TBL1X: variants seen among roughly 807,000 people sequenced by gnomAD.
TBL1X encodes the protein transducin beta like 1 X-linked, also known as F-box-like/WD repeat-containing protein TBL1X.
In TBL1X, 10 loss-of-function variants were observed where a neutral mutation model predicts 50.7. That is an observed-to-expected ratio of 0.20 (90% confidence interval 0.12 to 0.33). TBL1X has a LOEUF of 0.33. Among genes scored for constraint, TBL1X ranks in the 10% least tolerant of loss-of-function variants. The pLI is 1.00. For synonymous variants in TBL1X, 190 were observed against 214.7 expected (o/e 0.88, Z 1.01); for missense variants, 340 against 504.4 (o/e 0.67, Z 3.12).
At chrX:9,651,204 T>G (rs2082833444) in intron 3 of TBL1X, among the ~76,000 whole-genome samples, 1 of 109,622 alleles carries the variant, frequency 9.1e-6, no homozygotes, top group Admixed American at 9.7e-5. Flanking sequence ...GTTTTTTCGT[T>G]TGTTTGTTTT....
chrX:9,716,330 T>A lies in TBL1X; in HGVS notation c.*84T>A. ...GTTGCAGCTCTATTCTCCAAAACTG[T>A]AGGAACTTGACTTGCGTTAGAGTGT... On this transcript the variant is annotated 3_prime_UTR_variant, in exon 18 of 18. Transcript: ENST00000645353. 9.6e-7 allele frequency: 1 copy of A among 1,038,224 alleles called. No individual in the cohort carries two copies. Among genetic ancestry groups the A allele is most frequent in the Non-Finnish European group, 1.3e-6 (1 of 754,251 alleles). The allele number at this position is 1,038,224 out of a possible 1,213,427, so 85.6% of individuals were successfully genotyped here. A position where few individuals can be genotyped will look rare whatever the true frequency, so the allele number is the denominator to read the frequency against.
chrX:9,694,045 C>G lies in TBL1X; in HGVS notation c.1053+626C>G, dbSNP rs186781774. Among the ~76,000 whole-genome samples the G allele has an allele frequency of 3.5e-3, 393 of 110,882 alleles. 1 individual carries two copies. Among genetic ancestry groups the G allele is most frequent in the African/African-American group, 0.012 (380 of 30,521 alleles). ...GGCAAAGAGTAAGGGGACGCAGACT[C>G]CATCCTGGGCCCGAGTCTGATCCAG... On this transcript the variant is annotated intron_variant, in intron 11 of 17. Transcript: ENST00000645353.
chrX:9,636,700 C>G (rs1186467696), intron 2 of TBL1X: 1 of 112,132 alleles, frequency 8.9e-6, no homozygotes, highest in African/African-American at 3.2e-5. Flanking sequence ...AGGAATGCCC[C>G]TTTCTGAATT....
intron 13 of TBL1X, among the ~76,000 whole-genome samples, chrX:9,708,881 C>T (rs1285326946): frequency 9.0e-6 from 1 of 111,252 alleles, no homozygotes; most frequent in African/African-American, 3.3e-5. Flanking sequence ...AAGAAAAGTG[C>T]ATAGGAAAGT....
intron 5 of TBL1X, among the ~76,000 whole-genome samples, chrX:9,682,154 TAG>T (rs1319949606): frequency 8.9e-6 from 1 of 112,314 alleles, no homozygotes; most frequent in Non-Finnish European, 1.9e-5. Flanking sequence ...TGGCAGAGAA[TAG>T]AGTCGTTGGT....
At chrX:9,663,458 G>A (rs2082910117) in intron 5 of TBL1X, among the ~76,000 whole-genome samples, 1 of 111,688 alleles carries the variant, frequency 9.0e-6, no homozygotes, top group Non-Finnish European at 1.9e-5. Context: ...AACAGGCCAC[G>A]TCAGAAGATT....
intron 1 of TBL1X, among the ~76,000 whole-genome samples, chrX:9,482,078 A>C (rs1381115558): frequency 1.8e-5 from 2 of 111,737 alleles, no homozygotes; most frequent in Non-Finnish European, 3.8e-5. Flanking sequence ...ACTATTTTTG[A>C]ATTTTTATTA....
chrX:9,472,423 CT>C (rs1194403830), intron 1 of TBL1X, among the ~76,000 whole-genome samples: 56 of 85,304 alleles, frequency 6.6e-4, no homozygotes, highest in South Asian at 1.8e-3. Context: ...GCATGTCCAG[CT>C]TTTTTTTTTT....
At chrX:9,484,294 A>G (rs960293105) in intron 1 of TBL1X, among the ~76,000 whole-genome samples, 4 of 110,105 alleles carry the variant, frequency 3.6e-5, no homozygotes, top group African/African-American at 1.4e-4. Flanking sequence ...GGTGTGAGCC[A>G]CCGTGCCTGG....
At chrX:9,508,942 G>C (rs933761155) in intron 2 of TBL1X, among the ~76,000 whole-genome samples, 1 of 109,922 alleles carries the variant, frequency 9.1e-6, no homozygotes, top group Non-Finnish European at 1.9e-5. Flanking sequence ...TTGGGGAGTG[G>C]GGATGAGAGG....
chrX:9,718,742 C>T lies in TBL1X; in HGVS notation c.*2496C>T, dbSNP rs889729670. ...CAATCTTCACATGAATGTCGGTAGC[C>T]AGGGTCTCTCCCGAGGGATGGCTTT... On this transcript the variant is annotated 3_prime_UTR_variant, in exon 18 of 18. Transcript: ENST00000645353. 4 of 112,065 alleles carry T rather than the reference C, an allele frequency of 3.6e-5. No individual in the cohort carries two copies. The highest frequency in any genetic ancestry group is 1.3e-4 in the African/African-American group (4 of 30,822). The allele number at this position is 112,065 out of a possible 1,213,427, so 9.2% of individuals were successfully genotyped here.
intron 1 of TBL1X, among the ~76,000 whole-genome samples, chrX:9,488,015 A>T (rs766973884): frequency 9.0e-5 from 10 of 111,517 alleles, no homozygotes; most frequent in Non-Finnish European, 1.9e-4. Flanking sequence ...TCTGTGTTTG[A>T]CCAAAATTAC....
At chrX:9,506,887 A>G (rs942194033) in intron 2 of TBL1X, among the ~76,000 whole-genome samples, 31 of 112,013 alleles carry the variant, frequency 2.8e-4, no homozygotes, top group Admixed American at 9.5e-4. Context: ...TTCAGAAATT[A>G]TTCCAAACAT....
At chrX:9,665,764 C>G (rs1447937954) in intron 5 of TBL1X, among the ~76,000 whole-genome samples, 1 of 105,532 alleles carries the variant, frequency 9.5e-6, no homozygotes, top group Non-Finnish European at 1.9e-5. Flanking sequence ...CCTCATGGAA[C>G]CCCAGGAATT....
chrX:9,480,294 T>C (rs1319531458), intron 1 of TBL1X, among the ~76,000 whole-genome samples: 1 of 111,827 alleles, frequency 8.9e-6, no homozygotes, highest in African/African-American at 3.3e-5. Flanking sequence ...TAAGAAAGCA[T>C]GGGAATATGG....
intron 1 of TBL1X, among the ~76,000 whole-genome samples, 171 bp downstream of exon 1, chrX:9,465,618 GACTGGGGTGCGGCGCGCT>G (rs1366730040): frequency 2.7e-5 from 3 of 112,621 alleles, no homozygotes; most frequent in Non-Finnish European, 5.7e-5. Flanking sequence ...GCGGCGCTCG[GACTGGGGTGCGGCGCGCT>G]CCCAGGAGCC....
intron 2 of TBL1X, among the ~76,000 whole-genome samples, chrX:9,528,194 T>G (rs1403961076): frequency 8.9e-6 from 1 of 111,783 alleles, no homozygotes; most frequent in African/African-American, 3.3e-5. Flanking sequence ...TTTCTGTGTC[T>G]GTGGATTTGA....
chrX:9,492,885 GTGTGTGTGTGTGTA>G (rs2081953513), intron 1 of TBL1X, among the ~76,000 whole-genome samples: 5 of 48,756 alleles, frequency 1.0e-4, no homozygotes, highest in East Asian at 4.3e-4. Context: ...GTGTGTGTGT[GTGTGTGTGTGTGTA>G]GGGGAGGAAG....
chrX:9,484,510 G>A (rs1042986453), intron 1 of TBL1X, among the ~76,000 whole-genome samples: 7 of 110,797 alleles, frequency 6.3e-5, no homozygotes, highest in African/African-American at 2.0e-4. Flanking sequence ...AAATCATATG[G>A]TATGTACTCA....
Sources: gnomAD v4.1 joint callset for allele counts (sites outside exome capture counted in the v4.1 genomes callset) on GRCh38, gnomAD v4.1.1 for gene constraint, MANE v1.5 for transcripts, NCBI Gene and HGNC (gene_info 2026-07-23, HGNC 2026-07-21) for gene names.